ENTPD6: variants seen among roughly 807,000 people sequenced by gnomAD.
ENTPD6 encodes the protein CD39 antigen-like 2.
ENTPD6 carries 46 observed loss-of-function variants against 61.5 expected under a neutral mutation model. That is an observed-to-expected ratio of 0.75 (90% confidence interval 0.59 to 0.96). The LOEUF is 0.96. Among genes scored for constraint, ENTPD6 ranks in the 40% least tolerant of loss-of-function variants. The pLI, the probability that ENTPD6 is intolerant of heterozygous loss-of-function variation, is 0.00. For missense variants in ENTPD6, 612 were observed against 629.0 expected (o/e 0.97, Z 0.29); for synonymous variants, 252 against 255.5 (o/e 0.99, Z 0.13).
In ENTPD6 at chr20:25,219,560, G is replaced by T. The variant is rs1221160866; in HGVS notation, c.943+946G>T. The stretch of plus-strand genomic sequence containing the variant: ...GGCATGGACTCTTAGGAGATCTCAG[G>T]ATTGCCATGGTCTGCTTCAGGGGCT... On this transcript the variant is annotated intron_variant, in intron 10 of 14. Transcript: ENST00000376652. Among the ~76,000 whole-genome samples the T allele has an allele frequency of 4.6e-5, 7 of 152,214 alleles. No homozygotes were observed. In the South Asian group the frequency reaches 8.3e-4, roughly 18 times the overall value.
intron 6 of ENTPD6, among the ~76,000 whole-genome samples, chr20:25,215,204 C>T (rs1207570743): frequency 6.6e-6 from 1 of 152,220 alleles, no homozygotes; most frequent in Non-Finnish European, 1.5e-5. Flanking sequence ...AATGAAGCTT[C>T]TAAAAACATT....
At chr20:25,223,025 G>A in intron 12 of ENTPD6, 47 bp downstream of exon 12, 1 of 1,513,512 alleles carries the variant, frequency 6.6e-7, no homozygotes, top group Non-Finnish European at 9.0e-7. Context: ...GGCGGCAGGG[G>A]GCGGGGGTGG....
At chr20:25,223,017 C>T (rs1279969004) in intron 12 of ENTPD6, 39 bp downstream of exon 12, 10 of 559,452 alleles carry the variant, frequency 1.8e-5, no homozygotes, top group South Asian at 3.8e-5. Context: ...AAGGTCGGGG[C>T]GGCAGGGGGC....
intron 1 of ENTPD6, among the ~76,000 whole-genome samples, chr20:25,200,708 T>C (rs2090962222): frequency 6.6e-6 from 1 of 152,218 alleles, no homozygotes; most frequent in Non-Finnish European, 1.5e-5. Flanking sequence ...AGCTAAAGGT[T>C]TGACAGTTTT....
At chr20:25,225,354 T>A (rs2092769866) in intron 14 of ENTPD6, 37 bp downstream of exon 14, 1 of 1,610,284 alleles carries the variant, frequency 6.2e-7, no homozygotes, top group African/African-American at 1.3e-5. Context: ...AGCCCCTTTA[T>A]GGAGTGAGGG....
At chr20:25,217,666 G>T in intron 9 of ENTPD6, 85 bp downstream of exon 9, 1 of 1,171,188 alleles carries the variant, frequency 8.5e-7, no homozygotes, top group South Asian at 1.2e-5. Flanking sequence ...TTGAGGTCAT[G>T]GATGGCAGAT....
chr20:25,225,519 T>C lies in ENTPD6; in HGVS notation c.1377T>C (p.Asn459=), dbSNP rs2092775659. 1 of 1,613,838 alleles carries C rather than the reference T, an allele frequency of 6.2e-7. No homozygotes were observed. Among genetic ancestry groups the C allele is most frequent in the Admixed American group, 1.7e-5 (1 of 59,978 alleles). ...KVLKLTRKID[N]VETSWALGAI... Reference sequence around the variant, plus strand: ...TCAAGCTCACTCGGAAAATTGACAATGTTGAGACCAGCTGGGCTCTGGGGG... The same window carrying C: ...TCAAGCTCACTCGGAAAATTGACAACGTTGAGACCAGCTGGGCTCTGGGGG... Residue 459 remains asparagine (N), a synonymous_variant, in exon 15 of 15, where the codon AAT becomes AAC. Transcript: ENST00000376652.
Position 25,225,590 on chromosome 20 carries a change from C to T in ENTPD6, c.1448C>T (p.Ala483Val), listed in dbSNP as rs2092778240. The T allele has an allele frequency of 2.5e-6, 4 of 1,613,622 alleles. No homozygotes were observed. The highest frequency in any genetic ancestry group is 3.4e-6 in the Non-Finnish European group (4 of 1,179,624). The change falls in exon 15 of 15, where the codon GCC becomes GTC. Residue 483 changes from alanine (A) to valine (V), a missense_variant. Coordinates refer to ENST00000376652, the MANE Select transcript of ENTPD6 (RefSeq NM_001247.5). ...IDSLNRQKSP[A>V]S The stretch of plus-strand genomic sequence containing the variant: ...TCCCTGAACAGACAGAAGAGTCCAG[C>T]CTCATAGTGGCCGAGCCATCCCTGT...
rs886795129 is a variant in ENTPD6, at chr20:25,213,542, T to C, written c.597+136T>C. 4 of 838,186 alleles carry C rather than the reference T, an allele frequency of 4.8e-6. No homozygotes were observed. In the Admixed American group the frequency reaches 8.9e-5, roughly 19 times the overall value. 51.9% of individuals were successfully genotyped at this position (838,186 alleles called of 1,614,324 possible). ...CTGAAGAAAAGTTTGCAGCATCACT[T>C]TTAGGTGGAGGGATGGTGGGCAGAT... On this transcript the variant is annotated intron_variant, in intron 5 of 14. Transcript: ENST00000376652.
intron 4 of ENTPD6, among the ~76,000 whole-genome samples, chr20:25,211,789 G>A (rs1398344409): frequency 1.3e-5 from 2 of 152,150 alleles, no homozygotes; most frequent in African/African-American, 4.8e-5. Context: ...ACACATGCAA[G>A]GGGCATCGCT....
chr20:25,218,999 C>T (rs1023641790), intron 10 of ENTPD6, among the ~76,000 whole-genome samples: 4 of 152,204 alleles, frequency 2.6e-5, no homozygotes, highest in African/African-American at 4.8e-5. Flanking sequence ...TTCATACCTC[C>T]GCCTCCCCAG....
In ENTPD6 at chr20:25,218,625, A is replaced by T; in HGVS notation, c.943+11A>T. On this transcript the variant is annotated intron_variant, in intron 10 of 14. Transcript: ENST00000376652. The stretch of plus-strand genomic sequence containing the variant: ...TGGAGGGGCAGCCTGGTGAGTGGAC[A>T]TGTTGCCCCGGGCCCACTTTCACAG... The T allele has an allele frequency of 6.3e-7, 1 of 1,595,714 alleles. No homozygotes were observed. Among genetic ancestry groups the T allele is most frequent in the Non-Finnish European group, 8.5e-7 (1 of 1,174,042 alleles).
At chr20:25,217,373 C>A in intron 8 of ENTPD6, 129 bp from the exon 9 acceptor site, 1 of 817,584 alleles carries the variant, frequency 1.2e-6, no homozygotes, top group South Asian at 1.6e-5. Flanking sequence ...TCGCAGCCAG[C>A]GACCTAGTGA....
rs765182533 is a variant in ENTPD6, at chr20:25,215,669, C to T, written c.674-7C>T. 8.1e-6 allele frequency: 13 copies of T among 1,614,032 alleles called. No homozygotes were observed. The highest frequency in any genetic ancestry group is 2.2e-5 in the East Asian group (1 of 44,904). On this transcript the variant is annotated splice_polypyrimidine_tract_variant and splice_region_variant and intron_variant, in intron 6 of 14. Coordinates refer to ENST00000376652, the MANE Select transcript of ENTPD6 (RefSeq NM_001247.5). Reference sequence around the variant, plus strand: ...ATTAAAATAATGCCTGTGACACTCTCTTGCAGGCGTTTCGGCGTGGATCAC... The same window carrying T: ...ATTAAAATAATGCCTGTGACACTCTTTTGCAGGCGTTTCGGCGTGGATCAC...
chr20:25,196,233 C>G, intron 1 of ENTPD6: 1 of 1,128,038 alleles, frequency 8.9e-7, no homozygotes, highest in Non-Finnish European at 1.1e-6. Flanking sequence ...GGAAGCTTCG[C>G]GTAGCAGTTT....
chr20:25,220,569 G>A (rs552745220), intron 10 of ENTPD6, among the ~76,000 whole-genome samples: 3 of 152,280 alleles, frequency 2.0e-5, no homozygotes, highest in Admixed American at 6.5e-5. Flanking sequence ...AGACCTGGGC[G>A]CTCTTCCACA....
chr20:25,221,636 A>G (rs1176232984), intron 11 of ENTPD6, among the ~76,000 whole-genome samples: 3 of 152,130 alleles, frequency 2.0e-5, no homozygotes, highest in Non-Finnish European at 4.4e-5. Flanking sequence ...TGGGGCTGAG[A>G]TGCAGGGCTG....
At chr20:25,210,686 A>C (rs1478235935) in intron 4 of ENTPD6, among the ~76,000 whole-genome samples, 1 of 152,216 alleles carries the variant, frequency 6.6e-6, no homozygotes, top group Admixed American at 6.5e-5. Context: ...TCACGCCTGT[A>C]ATCCCAGCAC....
At position 25,217,522 on chromosome 20, in the gene ENTPD6, A is replaced by G. The variant is rs1479450386; in HGVS notation, c.819A>G (p.Pro273=). The part of the protein sequence containing the change: ...PRVEGTLQAS[P]PGYLTALRMF... ...TCCAGGGCACCCTGCAGGCCTCCCC[A>G]CCCGGCTACCTGACGGCACTGCGGA... Residue 273 remains proline (P), a synonymous_variant, in exon 9 of 15, where the codon CCA becomes CCG. Coordinates refer to ENST00000376652, the MANE Select transcript of ENTPD6 (RefSeq NM_001247.5). The G allele has an allele frequency of 6.2e-7, 1 of 1,614,032 alleles. No homozygotes were observed. Among genetic ancestry groups the G allele is most frequent in the South Asian group, 1.1e-5 (1 of 91,082 alleles).
Sources: allele counts gnomAD v4.1 joint callset (sites outside exome capture counted in the v4.1 genomes callset), GRCh38; gene constraint gnomAD v4.1.1; transcripts MANE v1.5; gene names NCBI Gene and HGNC (gene_info 2026-07-23, HGNC 2026-07-21).